The following SNX29 variants were observed in gnomAD, a reference collection of about 807,000 sequenced individuals.
The protein encoded by SNX29 is sorting nexin-29.
Under a neutral mutation model 102.1 loss-of-function variants are expected in SNX29, and 78 were observed. The ratio of observed to expected loss-of-function variants is 0.76; its 90% CI spans 0.64 to 0.92. The LOEUF is 0.92. Ranked by LOEUF, SNX29 falls within the 40% of genes least tolerant of loss-of-function variation. SNX29 has a pLI of 0.00. For synonymous variants in SNX29, 580 were observed against 414.5 expected, an observed-to-expected ratio of 1.40 and a Z score of -4.85; for missense variants, 1,280 against 1,061.7, an observed-to-expected ratio of 1.21 and a Z score of -2.86.
intron 15 of SNX29, among the ~76,000 whole-genome samples, chr16:12,321,268 C>T (rs1168979858): frequency 6.6e-6 from 1 of 152,182 alleles, no homozygotes; most frequent in Admixed American, 6.5e-5. Context: ...TTGTCTTCTC[C>T]AGCGGCCACC....
chr16:12,332,520 C>G (rs367894226), intron 15 of SNX29, among the ~76,000 whole-genome samples: 1 of 152,186 alleles, frequency 6.6e-6, no homozygotes, highest in South Asian at 2.1e-4. Flanking sequence ...TATCCTCCCC[C>G]GTCCTCGTCA....
At chr16:12,385,741 C>G (rs775644873) in intron 16 of SNX29, among the ~76,000 whole-genome samples, 3 of 152,238 alleles carry the variant, frequency 2.0e-5, no homozygotes, top group African/African-American at 4.8e-5. Flanking sequence ...CATAGAGTGA[C>G]AGAAAGACCT....
intron 19 of SNX29, among the ~76,000 whole-genome samples, chr16:12,519,589 C>G (rs1417960536): frequency 6.6e-6 from 1 of 152,108 alleles, no homozygotes; most frequent in Non-Finnish European, 1.5e-5. Flanking sequence ...CTTAAAACAC[C>G]TTAGCGAAAA....
intron 18 of SNX29, among the ~76,000 whole-genome samples, chr16:12,436,559 T>G (rs1176084808): frequency 1.3e-5 from 2 of 152,234 alleles, no homozygotes; most frequent in Non-Finnish European, 2.9e-5. Context: ...TCAGGAGGGC[T>G]GAGGGGCCTC....
chr16:12,113,463 G>T (rs530518019), intron 11 of SNX29, among the ~76,000 whole-genome samples: 1 of 152,264 alleles, frequency 6.6e-6, no homozygotes, highest in South Asian at 2.1e-4. Flanking sequence ...GAGTTGGTGA[G>T]ATTCACTCCG....
In SNX29 at chr16:12,572,854, G is replaced by A. The variant is rs2079217081; in HGVS notation, c.*4225G>A. On this transcript the variant is annotated 3_prime_UTR_variant, in exon 21 of 21. Coordinates refer to ENST00000566228, the MANE Select transcript of SNX29 (RefSeq NM_032167.5). ...GGGGCAGCCTCATGCCCAGGTTTCA[G>A]CCCTAAAGGTAATGATTGTCTTGAC... The A allele has an allele frequency of 2.8e-6, 3 of 1,063,744 alleles. No individual in the cohort carries two copies. The highest frequency in any genetic ancestry group is 4.6e-5 in the South Asian group (1 of 21,970). The allele number at this position is 1,063,744 out of a possible 1,614,324, so 65.9% of individuals were successfully genotyped here. A position where few individuals can be genotyped will look rare whatever the true frequency, so the allele number is the denominator to read the frequency against.
chr16:12,430,449 C>T (rs988039747), intron 18 of SNX29, among the ~76,000 whole-genome samples: 3 of 152,228 alleles, frequency 2.0e-5, no homozygotes, highest in Non-Finnish European at 2.9e-5. Context: ...GGATCAGGCA[C>T]ACCTGCTTTG....
intron 14 of SNX29, among the ~76,000 whole-genome samples, chr16:12,266,686 GA>G (rs59509183): frequency 1.5e-5 from 2 of 130,946 alleles, no homozygotes. Flanking sequence ...ATCTATTATT[GA>G]AAAAAAAAAA....
chr16:12,549,336 A>C (rs2077814761), intron 20 of SNX29, among the ~76,000 whole-genome samples: 1 of 152,182 alleles, frequency 6.6e-6, no homozygotes, highest in Admixed American at 6.5e-5. Context: ...GTCTACCAAA[A>C]ATACAAAAAT....
At chr16:12,360,007 A>G (rs946028303) in intron 16 of SNX29, among the ~76,000 whole-genome samples, 1 of 152,126 alleles carries the variant, frequency 6.6e-6, no homozygotes, top group African/African-American at 2.4e-5. Flanking sequence ...TATTTTTAGT[A>G]GAGACGGGGT....
chr16:12,240,612 T>TG (rs386384269), intron 14 of SNX29, among the ~76,000 whole-genome samples: 3 of 138,842 alleles, frequency 2.2e-5, no homozygotes, highest in African/African-American at 5.9e-5. Context: ...TTTTTTTTTT[T>TG]GTGAGACGGA....
chr16:12,572,835 G>A lies in SNX29; in HGVS notation c.*4206G>A. 1 of 1,063,928 alleles carries A rather than the reference G, an allele frequency of 9.4e-7. No individual in the cohort carries two copies. Among genetic ancestry groups the A allele is most frequent in the Non-Finnish European group, 1.1e-6 (1 of 878,386 alleles). 65.9% of individuals were successfully genotyped at this position (1,063,928 alleles called of 1,614,324 possible). ...GTTAGGAGGCATCCCAGAAGGGGCA[G>A]CCTCATGCCCAGGTTTCAGCCCTAA... On this transcript the variant is annotated 3_prime_UTR_variant, in exon 21 of 21. Coordinates refer to ENST00000566228, the MANE Select transcript of SNX29 (RefSeq NM_032167.5).
chr16:12,292,530 A>C (rs1374381183), intron 15 of SNX29, among the ~76,000 whole-genome samples: 1 of 152,168 alleles, frequency 6.6e-6, no homozygotes, highest in Admixed American at 6.5e-5. Flanking sequence ...ATTGAGGAAG[A>C]TAGAGTTTTG....
At chr16:12,126,554 C>T in intron 11 of SNX29, 79 bp from the exon 12 acceptor site, 1 of 1,417,340 alleles carries the variant, frequency 7.1e-7, no homozygotes, top group Non-Finnish European at 9.9e-7. Context: ...TCCTTAATAG[C>T]ATATAATCCA....
chr16:12,327,670 G>T lies in SNX29; in HGVS notation c.1783-28493G>T, dbSNP rs184175112. On this transcript the variant is annotated intron_variant, in intron 15 of 20. Coordinates refer to ENST00000566228, the MANE Select transcript of SNX29 (RefSeq NM_032167.5). ...TTGGATTTGAACATGTGAATTACGG[G>T]GTGACACAGTTCAGCCTATAATAGA... Among the ~76,000 whole-genome samples the T allele has an allele frequency of 4.6e-5, 7 of 152,242 alleles. No individual in the cohort carries two copies. In the East Asian group the frequency reaches 1.4e-3, roughly 29 times the overall value.
intron 20 of SNX29, among the ~76,000 whole-genome samples, chr16:12,525,074 G>A (rs1455201827): frequency 6.6e-6 from 1 of 152,068 alleles, no homozygotes; most frequent in African/African-American, 2.4e-5. Context: ...TTGACTTGAG[G>A]CTCACAAAGA....
At chr16:12,019,236 C>G (rs1420131344) in intron 3 of SNX29, among the ~76,000 whole-genome samples, 1 of 152,118 alleles carries the variant, frequency 6.6e-6, no homozygotes, top group Admixed American at 6.6e-5. Flanking sequence ...GCGATGGAGT[C>G]TCGCTCTGTC....
chr16:12,055,333 A>G (rs1314191059), intron 8 of SNX29, among the ~76,000 whole-genome samples: 2 of 150,080 alleles, frequency 1.3e-5, no homozygotes, highest in African/African-American at 4.9e-5. Flanking sequence ...TCCTGGGTTT[A>G]AGTGATTCTT....
In SNX29 at chr16:12,569,309, A is replaced by C. The variant is rs927562210; in HGVS notation, c.*680A>C. The C allele has an allele frequency of 8.7e-6, 2 of 229,630 alleles. No homozygotes were observed. Among genetic ancestry groups the C allele is most frequent in the African/African-American group, 4.4e-5 (2 of 45,104 alleles). The allele number at this position is 229,630 out of a possible 1,614,324, so 14.2% of individuals were successfully genotyped here. On this transcript the variant is annotated 3_prime_UTR_variant, in exon 21 of 21. Coordinates refer to ENST00000566228, the MANE Select transcript of SNX29 (RefSeq NM_032167.5). ...TACCTCCCCCATGGCTGGCTTCAGG[A>C]AGGACCAGTGCCCTCCATAGCCTGA... is the stretch of plus-strand genomic sequence containing the variant.
Sources: gnomAD v4.1 joint callset for allele counts (sites outside exome capture counted in the v4.1 genomes callset) on GRCh38, gnomAD v4.1.1 for gene constraint, MANE v1.5 for transcripts, NCBI Gene and HGNC (gene_info 2026-07-23, HGNC 2026-07-21) for gene names.